The following CROT variants were observed in gnomAD, a reference collection of about 807,000 sequenced individuals.
The protein encoded by CROT is carnitine O-octanoyltransferase, also known as peroxisomal carnitine O-octanoyltransferase.
A neutral mutation model predicts 89.2 loss-of-function variants in CROT; 84 were observed. The ratio of observed to expected loss-of-function variants is 0.94; its 90% CI spans 0.79 to 1.13. The LOEUF (loss-of-function observed/expected upper bound fraction) is 1.13, where lower values mean the gene tolerates loss of function less well. CROT is among the 50% of genes most tolerant of loss of function. The probability of loss-of-function intolerance (pLI) is 0.00; values close to 1 mark genes in which losing one functional copy is unlikely to be tolerated. For synonymous variants in CROT, 212 were observed against 239.5 expected, an observed-to-expected ratio of 0.89 and a Z score of 1.06; for missense variants, 711 against 727.8, an observed-to-expected ratio of 0.98 and a Z score of 0.27.
intron 3 of CROT, among the ~76,000 whole-genome samples, chr7:87,354,769 T>A (rs1276754347): frequency 2.0e-5 from 3 of 152,288 alleles, no homozygotes; most frequent in African/African-American, 7.2e-5. Context: ...AAAGTAAAAT[T>A]TCTTGTAATT....
intron 10 of CROT, 41 bp downstream of exon 10, chr7:87,377,491 G>T (rs770731658): frequency 3.4e-6 from 4 of 1,166,134 alleles, no homozygotes; most frequent in Non-Finnish European, 5.1e-6. Context: ...GATCTTTTAG[G>T]TTAAATTAAT....
At chr7:87,361,661 A>T in intron 5 of CROT, 67 bp from the exon 6 acceptor site, 1 of 1,534,120 alleles carries the variant, frequency 6.5e-7, no homozygotes, top group Non-Finnish European at 8.8e-7. Flanking sequence ...TTGGGGATGA[A>T]CACTTCAGTT....
intron 13 of CROT, among the ~76,000 whole-genome samples, chr7:87,383,104 T>C (rs1045460642): frequency 5.9e-5 from 9 of 152,234 alleles, no homozygotes; most frequent in Non-Finnish European, 1.2e-4. Flanking sequence ...TATTACGTCT[T>C]CGTGTGGGGA....
intron 13 of CROT, among the ~76,000 whole-genome samples, chr7:87,389,100 G>A (rs993208733): frequency 2.6e-5 from 4 of 152,084 alleles, no homozygotes; most frequent in East Asian, 3.9e-4. Flanking sequence ...TTAGAATGGC[G>A]ATCATTAAAA....
chr7:87,388,309 T>C (rs1311669347), intron 13 of CROT, among the ~76,000 whole-genome samples: 1 of 152,040 alleles, frequency 6.6e-6, no homozygotes, highest in Admixed American at 6.6e-5. Flanking sequence ...AAAGAGCCTG[T>C]ATAGCCAAAA....
At chr7:87,369,051 C>G (rs1385703281) in intron 6 of CROT, among the ~76,000 whole-genome samples, 2 of 152,146 alleles carry the variant, frequency 1.3e-5, no homozygotes, top group Non-Finnish European at 2.9e-5. Flanking sequence ...CTCCAAGATT[C>G]CACTGGTCTC....
At chr7:87,361,360 C>T in intron 4 of CROT, 30 bp from the exon 5 acceptor site, 2 of 1,598,732 alleles carry the variant, frequency 1.3e-6, no homozygotes, top group Non-Finnish European at 1.7e-6. Context: ...TTATGAAGAA[C>T]ATTAAGCTGA....
intron 7 of CROT, among the ~76,000 whole-genome samples, chr7:87,370,601 T>C (rs543337306): frequency 6.6e-6 from 1 of 152,342 alleles, no homozygotes; most frequent in East Asian, 1.9e-4. Context: ...TGCAAACATG[T>C]ACAAAACTGC....
chr7:87,388,873 A>G (rs1441833833), intron 13 of CROT, among the ~76,000 whole-genome samples: 1 of 152,074 alleles, frequency 6.6e-6, no homozygotes, highest in African/African-American at 2.4e-5. Flanking sequence ...TTGCAATCTA[A>G]CCACCTGACA....
At chr7:87,353,155 C>A (rs802039) in intron 3 of CROT, among the ~76,000 whole-genome samples, 119,317 of 151,428 alleles carry the variant, frequency 0.79, 47,339 homozygotes, top group African/African-American at 0.88. Flanking sequence ...TTTTATTTTT[C>A]TTTTTTTTTT....
At chr7:87,378,233 A>G (rs1806872004) in intron 10 of CROT, among the ~76,000 whole-genome samples, 1 of 151,216 alleles carries the variant, frequency 6.6e-6, no homozygotes, top group Non-Finnish European at 1.5e-5. Context: ...GATCCCAGCT[A>G]CTTGGGAGGC....
chr7:87,395,946 C>A (rs1584654398), intron 17 of CROT, among the ~76,000 whole-genome samples: 1 of 152,252 alleles, frequency 6.6e-6, no homozygotes, highest in South Asian at 2.1e-4. Context: ...AAGGATTACA[C>A]CATTGAAGAT....
At chr7:87,387,615 C>A (rs1807223661) in intron 13 of CROT, among the ~76,000 whole-genome samples, 1 of 152,014 alleles carries the variant, frequency 6.6e-6, no homozygotes, top group South Asian at 2.1e-4. Context: ...ATATTGTATT[C>A]TTACAATAAA....
intron 6 of CROT, among the ~76,000 whole-genome samples, chr7:87,366,420 A>G (rs1806450129): frequency 1.3e-5 from 2 of 151,738 alleles, no homozygotes; most frequent in Admixed American, 1.3e-4. Context: ...CCTCCTGCCC[A>G]TTCCCCTTCA....
chr7:87,352,207 T>A (rs4728695), intron 3 of CROT, among the ~76,000 whole-genome samples: 140 of 151,940 alleles, frequency 9.2e-4, no homozygotes, highest in Non-Finnish European at 8.8e-5. Context: ...GGCTTAGAAC[T>A]TTTAAAAACT....
At position 87,382,081 on chromosome 7, in the gene CROT, A is replaced by T; in HGVS notation, c.1070A>T (p.Glu357Val). Reference protein sequence around the residue: ...FQNEGRWKGSEKVRDIPLPEE... With the variant: ...FQNEGRWKGSVKVRDIPLPEE... ...AGTCTTCCCTATTTTCAGGGTTCAGAGAAGGTACGAGATATACCACTTCCA... is the reference window on the plus strand; with the variant it reads ...AGTCTTCCCTATTTTCAGGGTTCAGTGAAGGTACGAGATATACCACTTCCA... The change falls in exon 12 of 18, where the codon GAG becomes GTG. Residue 357 changes from glutamate to valine, a missense_variant. Physicochemically the swap from Glu to Val is moderately radical, Grantham distance 121 (BLOSUM62 -2). Coordinates refer to ENST00000331536, the MANE Select transcript of CROT (RefSeq NM_021151.4). 6.2e-7 allele frequency: 1 copy of T among 1,610,218 alleles called. No individual in the cohort carries two copies.
At position 87,399,418 on chromosome 7, in the gene CROT, G is replaced by C. The variant is rs1480487333; in HGVS notation, c.*774G>C. The C allele has an allele frequency of 6.6e-6, 1 of 152,276 alleles. No homozygotes were observed. The highest frequency in any genetic ancestry group is 1.5e-5 in the Non-Finnish European group (1 of 68,122). 9.4% of individuals were successfully genotyped at this position (152,276 alleles called of 1,614,324 possible). ...TTGAGCCCAGGAGGTTGTGGCTGCA[G>C]TGAGCTGTGATGTGCCCTTATGCTA... On this transcript the variant is annotated 3_prime_UTR_variant, in exon 18 of 18. Coordinates refer to ENST00000331536, the MANE Select transcript of CROT (RefSeq NM_021151.4).
chr7:87,368,527 A>G (rs889655254), intron 6 of CROT, among the ~76,000 whole-genome samples: 1 of 152,174 alleles, frequency 6.6e-6, no homozygotes, highest in East Asian at 1.9e-4. Flanking sequence ...TATAAGAGAA[A>G]AAAGAGTATT....
chr7:87,358,419 T>C (rs1025819069), intron 3 of CROT, among the ~76,000 whole-genome samples: 3 of 147,386 alleles, frequency 2.0e-5, no homozygotes, highest in African/African-American at 7.5e-5. Flanking sequence ...GAGGCGGAGC[T>C]TGCAGTGAGC....
Sources: allele counts gnomAD v4.1 joint callset (sites outside exome capture counted in the v4.1 genomes callset), GRCh38; gene constraint gnomAD v4.1.1; transcripts MANE v1.5; gene names NCBI Gene and HGNC (gene_info 2026-07-23, HGNC 2026-07-21).